LRRK1: variants seen among roughly 807,000 people sequenced by gnomAD.
The protein encoded by LRRK1 is leucine-rich repeat serine/threonine-protein kinase 1.
Under a neutral mutation model 209.1 loss-of-function variants are expected in LRRK1, and 113 were observed. The observed-to-expected ratio is 0.54, with a 90% confidence interval of 0.46 to 0.63. The LOEUF is 0.63. Among genes scored for constraint, LRRK1 ranks in the 30% least tolerant of loss-of-function variants. The pLI is 0.00. For synonymous variants in LRRK1, 1,144 were observed against 1,099.7 expected (o/e 1.04, Z -0.80); for missense variants, 2,284 against 2,632.2 (o/e 0.87, Z 2.89).
chr15:101,059,766 C>T (rs1038629606), intron 29 of LRRK1, among the ~76,000 whole-genome samples: 1 of 152,224 alleles, frequency 6.6e-6, no homozygotes, highest in Admixed American at 6.5e-5. Flanking sequence ...TGCCAATATG[C>T]ACCCCTAGGA....
intron 2 of LRRK1, among the ~76,000 whole-genome samples, chr15:100,927,013 G>C (rs1322510308): frequency 6.6e-6 from 1 of 152,122 alleles, no homozygotes. Flanking sequence ...AAGTTCCCTA[G>C]TGATTCTAAC....
intron 6 of LRRK1, among the ~76,000 whole-genome samples, chr15:100,990,433 G>C (rs1481778669): frequency 1.3e-5 from 2 of 151,890 alleles, no homozygotes; most frequent in African/African-American, 4.8e-5. Flanking sequence ...TGGAAACACT[G>C]CCCCCCAACA....
At chr15:100,967,310 C>T (rs1452584141) in intron 2 of LRRK1, among the ~76,000 whole-genome samples, 1 of 152,232 alleles carries the variant, frequency 6.6e-6, no homozygotes, top group African/African-American at 2.4e-5. Flanking sequence ...TTCAAAAGCA[C>T]ACAGCCAAGA....
chr15:100,948,312 A>AG (rs370406692), intron 2 of LRRK1, among the ~76,000 whole-genome samples: 5 of 152,154 alleles, frequency 3.3e-5, no homozygotes, highest in Non-Finnish European at 5.9e-5. Context: ...GTAAAGGAGG[A>AG]GGCAGAGGCG....
chr15:100,968,056 A>G (rs4965745), intron 2 of LRRK1, among the ~76,000 whole-genome samples: 106,978 of 152,070 alleles, frequency 0.7, 37,969 homozygotes, highest in Middle Eastern at 0.76. Context: ...ACTGTCTACC[A>G]TATGGCCACG....
In LRRK1 at chr15:100,966,387, T is replaced by C. The variant is rs2030462496; in HGVS notation, c.98-7417T>C. On this transcript the variant is annotated intron_variant, in intron 2 of 33. Coordinates refer to ENST00000388948, the MANE Select transcript of LRRK1 (RefSeq NM_024652.6). ...CAGTGAGAATGTGTTCTTTCATTACTTTTGTAGTGTCTGTAAAGTTTTGAA... is the reference window on the plus strand; with the variant it reads ...CAGTGAGAATGTGTTCTTTCATTACCTTTGTAGTGTCTGTAAAGTTTTGAA... 2.0e-5 allele frequency among the ~76,000 whole-genome samples: 3 copies of C among 152,348 alleles called. No individual in the cohort carries two copies. In the South Asian group the frequency reaches 6.2e-4, roughly 32 times the overall value.
rs763667019 is a variant in LRRK1, at chr15:101,024,777, C to G, written c.2068-26C>G. 4 of 1,600,354 alleles carry G rather than the reference C, an allele frequency of 2.5e-6. No individual in the cohort carries two copies. The South Asian group carries it at 4.4e-5, about 18-fold the overall frequency. ...AAGCCTTTGTCTCTAAAATGCCTCC[C>G]TGTCGCTGCCTTGTTGCTCAAGTAG... On this transcript the variant is annotated intron_variant, in intron 15 of 33. Coordinates refer to ENST00000388948, the MANE Select transcript of LRRK1 (RefSeq NM_024652.6). The surrounding 1 kb of genome is among the most constrained non-coding windows in gnomAD (Gnocchi z 4.6).
At chr15:101,049,482 C>A (rs2035275621) in intron 22 of LRRK1, 162 bp from the exon 23 acceptor site, 8 of 710,568 alleles carry the variant, frequency 1.1e-5, no homozygotes, top group Non-Finnish European at 1.8e-5. Context: ...AAGGCAGGGC[C>A]ACGCACACGT....
chr15:100,993,056 A>C (rs1395471377), intron 6 of LRRK1, among the ~76,000 whole-genome samples: 1 of 152,202 alleles, frequency 6.6e-6, no homozygotes, highest in Non-Finnish European at 1.5e-5. Context: ...TCCAGGCTTC[A>C]GTACTGCAGG....
intron 20 of LRRK1, among the ~76,000 whole-genome samples, chr15:101,031,634 CT>C (rs747073793): frequency 4.6e-5 from 7 of 152,110 alleles, no homozygotes; most frequent in Non-Finnish European, 1.0e-4. Flanking sequence ...AGTGGAATTG[CT>C]GGATAATAGA....
intron 6 of LRRK1, among the ~76,000 whole-genome samples, chr15:100,998,365 C>G (rs2032521745): frequency 6.6e-6 from 1 of 152,178 alleles, no homozygotes; most frequent in Non-Finnish European, 1.5e-5. Context: ...CACACAATAT[C>G]CTCAGGAAAG....
At chr15:101,062,802 G>T in intron 31 of LRRK1, 112 bp downstream of exon 31, 1 of 778,194 alleles carries the variant, frequency 1.3e-6, no homozygotes. Context: ...AGGACCACCT[G>T]GCCTAGGACG....
chr15:101,030,271 C>G (rs1276270094), intron 20 of LRRK1, among the ~76,000 whole-genome samples: 1 of 152,098 alleles, frequency 6.6e-6, no homozygotes, highest in East Asian at 1.9e-4. Context: ...TCTGGAGGGC[C>G]TTCTCCATGA....
intron 10 of LRRK1, among the ~76,000 whole-genome samples, chr15:101,012,498 T>A (rs2033303604): frequency 2.0e-5 from 3 of 152,156 alleles, no homozygotes; most frequent in Admixed American, 2.0e-4. Context: ...ACCTTCTCGC[T>A]TTAGGTTGTT....
At chr15:101,011,982 A>ATT in intron 9 of LRRK1, 26 bp from the exon 10 acceptor site, 1 of 1,517,420 alleles carries the variant, frequency 6.6e-7, no homozygotes. Flanking sequence ...ACTAATATAC[A>ATT]TTTTTTTTTC....
rs536343284 is a variant in LRRK1 at position 101,021,917 on chromosome 15, C to A, written c.1812C>A (p.Asp604Glu). Reference protein sequence around the residue: ...LGNLWQLDTEDLTISNVPAEI... With the variant: ...LGNLWQLDTEELTISNVPAEI... ...ACCTCTGGCAGCTGGACACTGAAGA[C>A]CTGACCATCAGCAATGTGCCTGCAG... Residue 604 changes from aspartate to glutamate, a missense_variant, in exon 14 of 34, where the codon GAC becomes GAA. Transcript: ENST00000388948. The A allele has an allele frequency of 2.5e-6, 4 of 1,614,012 alleles. No homozygotes were observed. The highest frequency in any genetic ancestry group is 3.4e-6 in the Non-Finnish European group (4 of 1,179,976).
Position 101,012,903 on chromosome 15 carries a change from G to GC in LRRK1, c.1419+758_1419+759insC, listed in dbSNP as rs1007014823. On this transcript the variant is annotated intron_variant, in intron 10 of 33. Transcript: ENST00000388948. ...AAGGAGCCACGCGGGGTGCCCCCGG[G>GC]GGGGGGTGGTCCCACATCATACTCC... 5.3e-5 allele frequency among the ~76,000 whole-genome samples: 8 copies of GC among 152,170 alleles called. No individual in the cohort carries two copies. The South Asian group carries it at 8.3e-4, about 16-fold the overall frequency.
chr15:100,920,177 C>G (rs1252090745), intron 1 of LRRK1: 1 of 152,662 alleles, frequency 6.6e-6, no homozygotes. Flanking sequence ...ATCTGAGAAC[C>G]CCCGTGGCCA....
rs925150636 is a variant in LRRK1, at chr15:101,075,912, A to T, written c.*7064A>T. ...CTGGGCTGTACTGCCCCAAAGCTTC[A>T]CAGACAGCCCCCATTACATCAGTCA... is the stretch of plus-strand genomic sequence containing the variant. On this transcript the variant is annotated 3_prime_UTR_variant, in exon 34 of 34. Transcript: ENST00000388948. 1.3e-5 allele frequency: 2 copies of T among 152,236 alleles called. No individual in the cohort carries two copies. The highest frequency in any genetic ancestry group is 4.8e-5 in the African/African-American group (2 of 41,422). 9.4% of individuals were successfully genotyped at this position (152,236 alleles called of 1,614,324 possible). A position where few individuals can be genotyped will look rare whatever the true frequency, so the allele number is the denominator to read the frequency against.
Sources: allele counts gnomAD v4.1 joint callset (sites outside exome capture counted in the v4.1 genomes callset), GRCh38; gene constraint gnomAD v4.1.1; non-coding constraint Gnocchi (gnomAD v3.1); transcripts MANE v1.5; gene names NCBI Gene and HGNC (gene_info 2026-07-23, HGNC 2026-07-21).